EXOC4: variants seen among roughly 807,000 people sequenced by gnomAD.
The protein encoded by EXOC4 is SEC8-like 1.
EXOC4 carries 71 observed loss-of-function variants against 107.2 expected under a neutral mutation model. The observed-to-expected ratio is 0.66, with a 90% CI of 0.55 to 0.81. The LOEUF is 0.81. Ranked by LOEUF, EXOC4 falls within the 30% of genes least tolerant of loss-of-function variation. The pLI, the probability that EXOC4 is intolerant of heterozygous loss-of-function variation, is 0.00. For missense variants in EXOC4, 1,108 were observed against 1,189.6 expected (o/e 0.93, Z 1.01); for synonymous variants, 456 against 441.2 (o/e 1.03, Z -0.42).
intron 11 of EXOC4, among the ~76,000 whole-genome samples, chr7:133,874,029 C>T (rs1194634513): frequency 1.3e-5 from 2 of 152,132 alleles, no homozygotes; most frequent in Admixed American, 1.3e-4. Flanking sequence ...AAATTATGTG[C>T]TTTGATAACT....
At chr7:133,624,709 C>T (rs1358163985) in intron 9 of EXOC4, among the ~76,000 whole-genome samples, 1 of 152,116 alleles carries the variant, frequency 6.6e-6, no homozygotes, top group Admixed American at 6.5e-5. Flanking sequence ...TCTCCTGCCT[C>T]AGCCTCCCGA....
At chr7:133,653,283 A>G (rs1803206834) in intron 10 of EXOC4, among the ~76,000 whole-genome samples, 1 of 152,208 alleles carries the variant, frequency 6.6e-6, no homozygotes, top group Non-Finnish European at 1.5e-5. Context: ...ATCCAAAACC[A>G]TAACTTAGCT....
At chr7:133,385,869 T>C (rs1412509923) in intron 7 of EXOC4, among the ~76,000 whole-genome samples, 2 of 152,250 alleles carry the variant, frequency 1.3e-5, no homozygotes, top group African/African-American at 4.8e-5. Flanking sequence ...ATTCATTTAA[T>C]TGAAATTATT....
intron 6 of EXOC4, among the ~76,000 whole-genome samples, chr7:133,373,568 A>G (rs978176948): frequency 6.6e-6 from 1 of 152,204 alleles, no homozygotes; most frequent in African/African-American, 2.4e-5. Context: ...AATAGATAAT[A>G]TGTTGTATGT....
At chr7:133,772,631 A>G (rs1160448056) in intron 10 of EXOC4, among the ~76,000 whole-genome samples, 1 of 152,118 alleles carries the variant, frequency 6.6e-6, no homozygotes. Context: ...ACCATAAAGT[A>G]TAATATTTCT....
At chr7:133,534,075 G>GT (rs1800229744) in intron 9 of EXOC4, among the ~76,000 whole-genome samples, 1 of 152,248 alleles carries the variant, frequency 6.6e-6, no homozygotes, top group South Asian at 2.1e-4. Flanking sequence ...TTCAGCTCAC[G>GT]TAAGAACTTC....
intron 9 of EXOC4, among the ~76,000 whole-genome samples, chr7:133,542,022 C>T (rs915245159): frequency 1.3e-5 from 2 of 152,002 alleles, no homozygotes; most frequent in African/African-American, 4.8e-5. Flanking sequence ...TTTTAGGACA[C>T]AGTGTAAGTG....
chr7:133,598,351 C>T (rs563096744), intron 9 of EXOC4, among the ~76,000 whole-genome samples: 3 of 152,240 alleles, frequency 2.0e-5, no homozygotes, highest in East Asian at 3.9e-4. Context: ...CTCCCTTTGT[C>T]CTTTTGAAAG....
chr7:133,703,406 G>A (rs1311272801), intron 10 of EXOC4, among the ~76,000 whole-genome samples: 1 of 152,144 alleles, frequency 6.6e-6, no homozygotes, highest in Non-Finnish European at 1.5e-5. Flanking sequence ...ACATTTAGGG[G>A]GAGTATATGT....
At chr7:133,515,439 G>T (rs75536081) in intron 9 of EXOC4, among the ~76,000 whole-genome samples, 4 of 151,682 alleles carry the variant, frequency 2.6e-5, no homozygotes, top group Non-Finnish European at 5.9e-5. Context: ...ACATTTATAC[G>T]TGTGTATTTT....
intron 10 of EXOC4, among the ~76,000 whole-genome samples, chr7:133,743,953 G>A (rs1273315525): frequency 6.6e-6 from 1 of 152,136 alleles, no homozygotes; most frequent in Non-Finnish European, 1.5e-5. Flanking sequence ...ACTCTGAGGA[G>A]GAAGGATAGG....
At chr7:133,902,140 T>G (rs1207120413) in intron 12 of EXOC4, among the ~76,000 whole-genome samples, 1 of 152,234 alleles carries the variant, frequency 6.6e-6, no homozygotes, top group Non-Finnish European at 1.5e-5. Context: ...CAATTCCAAA[T>G]TCACCTCATT....
chr7:133,779,436 C>T (rs889337290), intron 10 of EXOC4, among the ~76,000 whole-genome samples: 1 of 152,160 alleles, frequency 6.6e-6, no homozygotes, highest in Non-Finnish European at 1.5e-5. Context: ...ATCACAGAAG[C>T]TCTGTTCCTT....
intron 12 of EXOC4, among the ~76,000 whole-genome samples, chr7:133,913,726 C>T (rs1010411773): frequency 2.6e-5 from 4 of 152,130 alleles, no homozygotes; most frequent in Non-Finnish European, 5.9e-5. Context: ...TAGAGTTCTA[C>T]AGTAAGCCTT....
At chr7:133,945,689 G>A (rs935801408) in intron 14 of EXOC4, among the ~76,000 whole-genome samples, 9 of 152,162 alleles carry the variant, frequency 5.9e-5, no homozygotes, top group African/African-American at 9.7e-5. Context: ...CCGAGGTGTC[G>A]GTCCACCCCC....
chr7:133,280,108 C>A (rs567159978), intron 2 of EXOC4, among the ~76,000 whole-genome samples: 2 of 152,290 alleles, frequency 1.3e-5, no homozygotes, highest in East Asian at 3.9e-4. Flanking sequence ...CAGGCACTCA[C>A]AACCATGCCT....
chr7:134,063,428 T>TA (rs1796113918), intron 17 of EXOC4, among the ~76,000 whole-genome samples: 1 of 152,186 alleles, frequency 6.6e-6, no homozygotes, highest in Non-Finnish European at 1.5e-5. Flanking sequence ...GTCTTGAACT[T>TA]AGAGTCAGAA....
At chr7:133,410,023 T>G (rs1797321463) in intron 7 of EXOC4, among the ~76,000 whole-genome samples, 1 of 152,238 alleles carries the variant, frequency 6.6e-6, no homozygotes, top group Non-Finnish European at 1.5e-5. Context: ...TATACAGATT[T>G]GCTGGGAGTC....
intron 7 of EXOC4, among the ~76,000 whole-genome samples, chr7:133,412,911 ACT>A (rs1797395587): frequency 6.6e-6 from 1 of 151,950 alleles, no homozygotes; most frequent in Non-Finnish European, 1.5e-5. Flanking sequence ...TCTCGGAAGG[ACT>A]CTGTATCTTT....
Sources: gnomAD v4.1 joint callset for allele counts (sites outside exome capture counted in the v4.1 genomes callset) on GRCh38, gnomAD v4.1.1 for gene constraint, MANE v1.5 for transcripts, NCBI Gene and HGNC (gene_info 2026-07-23, HGNC 2026-07-21) for gene names.